Variants in NBPF9 observed in about 807,000 individuals in gnomAD.
NBPF9 encodes the protein NBPF family member NBPF9.
In NBPF9, 91 loss-of-function variants were observed where a neutral mutation model predicts 97.8. The observed-to-expected ratio is 0.93, with a 90% confidence interval of 0.79 to 1.11. The LOEUF (loss-of-function observed/expected upper bound fraction) is 1.11. NBPF9 is among the 50% of genes least tolerant of loss of function. The pLI, the probability that NBPF9 is intolerant of heterozygous loss-of-function variation, is 0.00. For missense variants in NBPF9, 992 were observed against 939.5 expected (o/e 1.06, Z -0.73); for synonymous variants, 334 against 359.5 (o/e 0.93, Z 0.80).
chr1:149,090,111 TC>T (rs2081322245), intron 5 of NBPF9: 1 of 150,506 alleles, frequency 6.6e-6, no homozygotes, highest in Admixed American at 6.6e-5. Flanking sequence ...ACCACAACAA[TC>T]TCCAATGAAT....
At chr1:149,089,126 G>T (rs2081240568) in intron 5 of NBPF9, among the ~76,000 whole-genome samples, 1 of 152,056 alleles carries the variant, frequency 6.6e-6, no homozygotes. Flanking sequence ...CTGTTGTTCT[G>T]ACAGCAGGGA....
In NBPF9 at chr1:149,072,247, C is replaced by T. The variant is rs1183409177; in HGVS notation, c.1306+471G>A. Among the ~76,000 whole-genome samples, 40 of 151,978 alleles carry T rather than the reference C, an allele frequency of 2.6e-4. 1 individual carries two copies. The highest frequency in any genetic ancestry group is 9.7e-4 in the African/African-American group (40 of 41,416). ...AGGGCCTTCATCTCATTTTGGAAAG[C>T]AGTTGTAAGTGTTCCCACATTTGAA... On this transcript the variant is annotated intron_variant, in intron 14 of 29. Transcript: ENST00000584027.
At chr1:149,071,801 G>A (rs2079433931) in intron 14 of NBPF9, 125 bp from the exon 15 acceptor site, 1 of 654,136 alleles carries the variant, frequency 1.5e-6, no homozygotes, top group Non-Finnish European at 2.7e-6. Context: ...AAACTCTCAT[G>A]TTTTATCTTT....
At chr1:149,062,536 C>A (rs1217990380) in intron 21 of NBPF9, among the ~76,000 whole-genome samples, 1 of 143,458 alleles carries the variant, frequency 7.0e-6, no homozygotes, top group East Asian at 2.0e-4. Context: ...GGTCAAAGGA[C>A]ACTCTGAGTT....
intron 11 of NBPF9, 40 bp from the exon 12 acceptor site, chr1:149,075,904 T>TGATG: frequency 1.2e-6 from 1 of 849,914 alleles, no homozygotes; most frequent in Admixed American, 1.9e-5. Flanking sequence ...GGTTAAAAAC[T>TGATG]GGTGAAATCA....
chr1:149,088,135 G>T (rs1324090839), intron 5 of NBPF9, among the ~76,000 whole-genome samples: 3 of 152,244 alleles, frequency 2.0e-5, no homozygotes, highest in Non-Finnish European at 2.9e-5. Flanking sequence ...CCAGTCTGTT[G>T]AATTTATTTA....
chr1:149,076,548 G>A (rs2079890223), intron 11 of NBPF9, among the ~76,000 whole-genome samples: 1 of 149,272 alleles, frequency 6.7e-6, no homozygotes, highest in African/African-American at 2.5e-5. Context: ...TGTCTCCCAG[G>A]CTGGAGTGCA....
chr1:149,058,915 A>G lies in NBPF9; in HGVS notation c.2758+10T>C. On this transcript the variant is annotated intron_variant, in intron 26 of 29. Coordinates refer to ENST00000584027, the Ensembl canonical transcript of NBPF9. ...GTGGAGGCTTATCACCTTCATAGTA[A>G]GGTACTCACTGTCCACGTCAAGAGC... The G allele has an allele frequency of 1.9e-6, 1 of 532,160 alleles. No homozygotes were observed. Among genetic ancestry groups the G allele is most frequent in the Non-Finnish European group, 3.3e-6 (1 of 298,554 alleles). 33.0% of individuals were successfully genotyped at this position (532,160 alleles called of 1,614,324 possible).
intron 15 of NBPF9, 113 bp downstream of exon 15, chr1:149,071,491 G>A: frequency 1.7e-6 from 2 of 1,202,484 alleles, no homozygotes; most frequent in Non-Finnish European, 1.2e-6. Context: ...TTCACATACT[G>A]TGGCCAAGCG....
intron 12 of NBPF9, among the ~76,000 whole-genome samples, chr1:149,074,850 C>T (rs1325435236): frequency 1.3e-5 from 2 of 151,174 alleles, no homozygotes; most frequent in African/African-American, 2.4e-5. Context: ...CTTGCCCTGT[C>T]GCCCAGGCTG....
intron 5 of NBPF9, among the ~76,000 whole-genome samples, chr1:149,085,541 C>G (rs587677081): frequency 6.6e-6 from 1 of 152,098 alleles, no homozygotes; most frequent in East Asian, 1.9e-4. Context: ...ATGTAATATG[C>G]TAACAAAATT....
chr1:149,064,213 G>C (rs587631752), intron 19 of NBPF9, among the ~76,000 whole-genome samples: 2 of 139,706 alleles, frequency 1.4e-5, no homozygotes, highest in Admixed American at 7.2e-5. Flanking sequence ...CAGCTTTTGA[G>C]GTATGGTCAA....
At position 149,103,288 on chromosome 1, in the gene NBPF9, G is replaced by A. The variant is rs1352102313; in HGVS notation, c.-843+13C>T. The A allele has an allele frequency of 1.3e-5, 2 of 151,424 alleles. No homozygotes were observed. The highest frequency in any genetic ancestry group is 2.4e-5 in the African/African-American group (1 of 41,250). The allele number at this position is 151,424 out of a possible 1,614,324, so 9.4% of individuals were successfully genotyped here. ...GGACTCACCGCCCGCCCGGCCTGGC[G>A]CGGCGCCTTCACCTCGGAAACGCTG... is the stretch of plus-strand genomic sequence containing the variant. On this transcript the variant is annotated intron_variant, in intron 1 of 29. Coordinates refer to ENST00000584027, the Ensembl canonical transcript of NBPF9.
chr1:149,067,231 G>A (rs1473337011), intron 17 of NBPF9, among the ~76,000 whole-genome samples: 1 of 131,926 alleles, frequency 7.6e-6, no homozygotes, highest in Non-Finnish European at 1.6e-5. Context: ...CCAGAAGAGA[G>A]TGGGAGCAAT....
intron 24 of NBPF9, chr1:149,060,136 T>C (rs2078505139): frequency 4.4e-6 from 1 of 227,358 alleles, no homozygotes; most frequent in Non-Finnish European, 8.0e-6. Context: ...AACTGCAATA[T>C]TTAGCCCTGT....
In NBPF9 at chr1:149,064,334, A is replaced by G. The variant is rs1449974520; in HGVS notation, c.1853+97T>C. 1.8e-5 allele frequency: 14 copies of G among 777,802 alleles called. 3 individuals carry two copies. Among genetic ancestry groups the G allele is most frequent in the Admixed American group, 4.2e-5 (2 of 48,092 alleles). 48.2% of individuals were successfully genotyped at this position (777,802 alleles called of 1,614,324 possible). On this transcript the variant is annotated intron_variant, in intron 19 of 29. Transcript: ENST00000584027. ...AGGCATAATTCATACTTGTCTGACA[A>G]GACAAAATCATTATTTTCAGCATGT...
chr1:149,070,927 A>T lies in NBPF9; in HGVS notation c.1585+7T>A, dbSNP rs1318129716. 6 of 1,612,158 alleles carry T rather than the reference A, an allele frequency of 3.7e-6. No homozygotes were observed. In the Admixed American group the frequency reaches 5.0e-5, roughly 13 times the overall value. On this transcript the variant is annotated splice_region_variant and intron_variant, in intron 16 of 29. Coordinates refer to ENST00000584027, the Ensembl canonical transcript of NBPF9. ...GAGGTATGAGACACAAGGAAAACAG[A>T]GGCTACCTGGAATAATGTGTACAGC...
At chr1:149,097,307 G>A (rs1341796895) in intron 4 of NBPF9, among the ~76,000 whole-genome samples, 9 of 152,276 alleles carry the variant, frequency 5.9e-5, no homozygotes, top group East Asian at 1.9e-4. Flanking sequence ...GGAGAGAGAC[G>A]CACTACTGTA....
intron 7 of NBPF9, among the ~76,000 whole-genome samples, chr1:149,081,470 G>T (rs1386561165): frequency 4.0e-5 from 6 of 150,738 alleles, no homozygotes; most frequent in Non-Finnish European, 8.9e-5. Flanking sequence ...GTTCTATTAG[G>T]AGCAGACTCC....
Sources: allele counts gnomAD v4.1 joint callset (sites outside exome capture counted in the v4.1 genomes callset), GRCh38; gene constraint gnomAD v4.1.1; transcripts MANE v1.5; gene names NCBI Gene and HGNC (gene_info 2026-07-23, HGNC 2026-07-21).